ARFGAP3: variants seen among roughly 807,000 people sequenced by gnomAD.
ARFGAP3 encodes the protein ADP-ribosylation factor GTPase-activating protein 3.
Under a neutral mutation model 75.0 loss-of-function variants are expected in ARFGAP3, and 72 were observed. The observed-to-expected ratio is 0.96, with a 90% CI of 0.79 to 1.17. ARFGAP3 has a LOEUF of 1.17. ARFGAP3 is among the 50% of genes most tolerant of loss of function. The pLI is 0.00. For missense variants in ARFGAP3, 620 were observed against 626.6 expected, an observed-to-expected ratio of 0.99 and a Z score of 0.11; for synonymous variants, 221 against 217.9, an observed-to-expected ratio of 1.01 and a Z score of -0.13.
At chr22:42,831,770 T>C (rs1360755207) in intron 5 of ARFGAP3, 134 bp from the exon 6 acceptor site, 9 of 1,463,210 alleles carry the variant, frequency 6.2e-6, no homozygotes, top group African/African-American at 2.9e-5. Context: ...GGAAGGCATA[T>C]CTACTTTTTT....
rs377591095 is a variant in ARFGAP3 at position 42,799,200 on chromosome 22, G to T, written c.1412-40C>A. The T allele has an allele frequency of 4.6e-5, 74 of 1,606,244 alleles. 1 individual carries two copies. Among genetic ancestry groups the T allele is most frequent in the South Asian group, 2.1e-4 (19 of 90,830 alleles). On this transcript the variant is annotated intron_variant, in intron 14 of 15. Coordinates refer to ENST00000263245, the MANE Select transcript of ARFGAP3 (RefSeq NM_014570.5). ...CAGACACTGTCTCATCACTGCCCTG[G>T]CCACAGCTGCGGCAAACCCAGTACC...
At chr22:42,837,771 C>G (rs950210260) in intron 3 of ARFGAP3, among the ~76,000 whole-genome samples, 1 of 141,810 alleles carries the variant, frequency 7.1e-6, no homozygotes, top group African/African-American at 2.7e-5. Flanking sequence ...GCGCCAACCC[C>G]CTGGATTCAA....
chr22:42,826,900 A>G (rs778695997), intron 7 of ARFGAP3, 40 bp downstream of exon 7: 5 of 1,586,072 alleles, frequency 3.2e-6, no homozygotes, highest in Admixed American at 3.5e-5. Flanking sequence ...TTAATGAGTC[A>G]TACACTTTAA....
chr22:42,805,134 C>A (rs921975457), intron 14 of ARFGAP3, among the ~76,000 whole-genome samples: 3 of 152,128 alleles, frequency 2.0e-5, no homozygotes, highest in Admixed American at 1.3e-4. Context: ...GGCCTCTCAC[C>A]CCAGGGTGCA....
intron 3 of ARFGAP3, among the ~76,000 whole-genome samples, chr22:42,839,637 T>C (rs1391413037): frequency 2.0e-5 from 3 of 151,336 alleles, no homozygotes. Context: ...AATTTGTAGA[T>C]TTAAGAAGTT....
chr22:42,831,503 C>A, intron 6 of ARFGAP3, 46 bp downstream of exon 6: 1 of 1,576,952 alleles, frequency 6.3e-7, no homozygotes, highest in Non-Finnish European at 8.7e-7. Context: ...CATAGCATGC[C>A]ACTGAACCAT....
intron 14 of ARFGAP3, among the ~76,000 whole-genome samples, chr22:42,800,728 GAGTGTAATTCCAACAC>G (rs1340015382): frequency 1.3e-5 from 2 of 152,322 alleles, no homozygotes; most frequent in East Asian, 3.9e-4. Flanking sequence ...ACCAATGACA[GAGTGTAATTCCAACAC>G]AGTGATGGGA....
chr22:42,831,650 A>G lies in ARFGAP3; in HGVS notation c.478-14T>C, dbSNP rs370290433. 15 of 1,613,828 alleles carry G rather than the reference A, an allele frequency of 9.3e-6. No homozygotes were observed. The highest frequency in any genetic ancestry group is 1.2e-5 in the Non-Finnish European group (14 of 1,179,938). ...TGTGTCACTCACCTGAAACAAGGCG[A>G]GAAAAGTCATTAGCAGACAAAGCAA... On this transcript the variant is annotated splice_polypyrimidine_tract_variant and intron_variant, in intron 5 of 15. Transcript: ENST00000263245.
chr22:42,813,108 G>A lies in ARFGAP3; in HGVS notation c.1065-2164C>T, dbSNP rs150571070. On this transcript the variant is annotated intron_variant, in intron 11 of 15. Coordinates refer to ENST00000263245, the MANE Select transcript of ARFGAP3 (RefSeq NM_014570.5). Reference sequence around the variant, plus strand: ...CCATGAAAGAACTAAGATCAATTCAGTGAGGAATTTTAAAACTACTTAATA... The same window carrying A: ...CCATGAAAGAACTAAGATCAATTCAATGAGGAATTTTAAAACTACTTAATA... Among the ~76,000 whole-genome samples, 1,323 of 152,364 alleles carry A rather than the reference G, an allele frequency of 8.7e-3. 12 individuals are homozygous for A. The highest frequency in any genetic ancestry group is 0.012 in the Non-Finnish European group (801 of 68,040).
At chr22:42,835,558 AT>A in intron 3 of ARFGAP3, 65 bp from the exon 4 acceptor site, 1 of 1,581,102 alleles carries the variant, frequency 6.3e-7, no homozygotes, top group Non-Finnish European at 8.6e-7. Context: ...GCAGTGGCTC[AT>A]GCCTGTAATC....
intron 2 of ARFGAP3, among the ~76,000 whole-genome samples, chr22:42,846,252 G>A (rs1310695539): frequency 6.6e-6 from 1 of 152,242 alleles, no homozygotes; most frequent in African/African-American, 2.4e-5. Context: ...GTCTGGGGGA[G>A]GCAGCAATGA....
Position 42,857,225 on chromosome 22 carries a change from AAG to A in ARFGAP3, c.-45_-44del, listed in dbSNP as rs1927548563. ...GGCGCAGCTGGCCCAGCCAACCGGT[AAG>A]AGTCGACGAAAAGCGGCTACCGCCT... On this transcript the variant is annotated 5_prime_UTR_variant, in exon 1 of 16. Transcript: ENST00000263245. The A allele has an allele frequency of 6.7e-7, 1 of 1,494,814 alleles. No individual in the cohort carries two copies. The highest frequency in any genetic ancestry group is 8.9e-7 in the Non-Finnish European group (1 of 1,118,224). The allele number at this position is 1,494,814 out of a possible 1,614,324, so 92.6% of individuals were successfully genotyped here.
At position 42,810,881 on chromosome 22, in the gene ARFGAP3, A is replaced by C; in HGVS notation, c.1128T>G (p.Asp376Glu). 6.2e-7 allele frequency: 1 copy of C among 1,614,210 alleles called. No homozygotes were observed. The highest frequency in any genetic ancestry group is 8.5e-7 in the Non-Finnish European group (1 of 1,180,040). The part of the protein sequence containing the change: ...SSFSSWDDSS[D>E]SYWKKETSKD... The stretch of plus-strand genomic sequence containing the variant: ...TGCTGGTCTCTTTTTTCCAATAGGA[A>C]TCTGAACTGTCATCCCAGCTAGAGA... The change falls in exon 12 of 16, where the codon GAT becomes GAG. Residue 376 changes from aspartate (D) to glutamate (E), a missense_variant. Transcript: ENST00000263245.
rs375925711 is a variant in ARFGAP3 at position 42,822,336 on chromosome 22, G to A, written c.746C>T (p.Ala249Val). Residue 249 changes from alanine to valine, a missense_variant, in exon 9 of 16, where the codon GCT becomes GTT. Coordinates refer to ENST00000263245, the MANE Select transcript of ARFGAP3 (RefSeq NM_014570.5). ...CTCCTTCATTTTATCCGCAGCTTGA[G>A]CTTGTTTTTCAATTTCATTAAAGCA... ...NTCFNEIEKQ[A>V]QAADKMKEQE... 6 of 1,614,078 alleles carry A rather than the reference G, an allele frequency of 3.7e-6. No homozygotes were observed. Among genetic ancestry groups the A allele is most frequent in the Non-Finnish European group, 5.1e-6 (6 of 1,180,010 alleles).
At chr22:42,835,614 G>A in intron 3 of ARFGAP3, 121 bp from the exon 4 acceptor site, 1 of 1,087,624 alleles carries the variant, frequency 9.2e-7, no homozygotes. Context: ...GAGGTCGGGA[G>A]ATCAGTACCA....
At chr22:42,855,331 G>A (rs1035935545) in intron 1 of ARFGAP3, among the ~76,000 whole-genome samples, 8 of 152,182 alleles carry the variant, frequency 5.3e-5, no homozygotes, top group East Asian at 3.8e-4. Context: ...ATTGCTAACC[G>A]CAGATCCTAA....
At chr22:42,810,783 T>C (rs768406460) in intron 12 of ARFGAP3, 30 bp downstream of exon 12, 41 of 1,590,198 alleles carry the variant, frequency 2.6e-5, no homozygotes, top group Non-Finnish European at 3.2e-5. Flanking sequence ...ATGGATTCAC[T>C]ACTACAACCC....
chr22:42,856,774 T>C (rs1351652524), intron 1 of ARFGAP3, among the ~76,000 whole-genome samples: 1 of 151,318 alleles, frequency 6.6e-6, no homozygotes, highest in East Asian at 1.9e-4. Context: ...AGCTCCCTCC[T>C]CGCAGCGCCC....
At chr22:42,840,853 G>A in intron 3 of ARFGAP3, 91 bp downstream of exon 3, 1 of 1,313,226 alleles carries the variant, frequency 7.6e-7, no homozygotes, top group Non-Finnish European at 1.1e-6. Context: ...TTACAGGCAT[G>A]AGCCACTGCA....
Sources: gnomAD v4.1 joint callset for allele counts (sites outside exome capture counted in the v4.1 genomes callset) on GRCh38, gnomAD v4.1.1 for gene constraint, MANE v1.5 for transcripts, NCBI Gene and HGNC (gene_info 2026-07-23, HGNC 2026-07-21) for gene names.